Variants in HPGDS observed in about 807,000 individuals in gnomAD.
HPGDS encodes the protein hematopoietic prostaglandin D synthase, also known as GST class-sigma.
HPGDS carries 26 observed loss-of-function variants against 23.1 expected under a neutral mutation model. That is an observed-to-expected ratio of 1.13 (90% CI 0.83 to 1.56). The LOEUF (loss-of-function observed/expected upper bound fraction) is 1.56. Among genes scored for constraint, HPGDS ranks in the 40% most tolerant of loss-of-function variants. The probability of loss-of-function intolerance (pLI) is 0.00; values close to 1 mark genes in which losing one functional copy is unlikely to be tolerated. For synonymous variants in HPGDS, 95 were observed against 77.9 expected (o/e 1.22, Z -1.16); for missense variants, 268 against 236.4 (o/e 1.13, Z -0.88).
intron 2 of HPGDS, among the ~76,000 whole-genome samples, chr4:94,321,847 T>G (rs971758760): frequency 2.0e-4 from 31 of 152,234 alleles, no homozygotes; most frequent in Non-Finnish European, 4.4e-4. Context: ...GTGCCAGTTT[T>G]CAAAGGGAAT....
At chr4:94,300,674 T>A (rs748206172) in intron 5 of HPGDS, among the ~76,000 whole-genome samples, 1 of 152,160 alleles carries the variant, frequency 6.6e-6, no homozygotes, top group Non-Finnish European at 1.5e-5. Flanking sequence ...TTCTCTCATG[T>A]AGCTTTTATT....
chr4:94,304,828 T>A (rs1756110722), intron 4 of HPGDS, among the ~76,000 whole-genome samples: 1 of 152,072 alleles, frequency 6.6e-6, no homozygotes, highest in South Asian at 2.1e-4. Context: ...TTATCATAAA[T>A]GTTCGAAGAA....
At chr4:94,334,733 CTT>C in intron 1 of HPGDS, 95 bp from the exon 2 acceptor site, 3 of 1,058,602 alleles carry the variant, frequency 2.8e-6, no homozygotes, top group Non-Finnish European at 4.1e-6. Flanking sequence ...TATGGCATCT[CTT>C]GAGATTACTG....
At chr4:94,319,902 C>G (rs7440008) in intron 2 of HPGDS, among the ~76,000 whole-genome samples, 67,703 of 151,874 alleles carry the variant, frequency 0.45, 15,206 homozygotes, top group African/African-American at 0.5. Flanking sequence ...CTAATACTAT[C>G]CCTCCCCTCT....
At chr4:94,316,777 AC>A (rs1756406386) in intron 3 of HPGDS, among the ~76,000 whole-genome samples, 1 of 152,198 alleles carries the variant, frequency 6.6e-6, no homozygotes, top group African/African-American at 2.4e-5. Context: ...AATTCTTGGG[AC>A]CCACCCAAGG....
intron 1 of HPGDS, among the ~76,000 whole-genome samples, chr4:94,339,804 CG>C (rs1721100390): frequency 6.6e-6 from 1 of 151,892 alleles, no homozygotes; most frequent in Admixed American, 6.6e-5. Flanking sequence ...GGGAGGGACC[CG>C]GTGGGAGATA....
chr4:94,304,695 A>G (rs969220322), intron 4 of HPGDS, among the ~76,000 whole-genome samples: 22 of 152,104 alleles, frequency 1.4e-4, no homozygotes, highest in African/African-American at 4.8e-4. Context: ...TGTTTCTGCA[A>G]CGTGTTCTGC....
chr4:94,326,054 G>T (rs891070760), intron 2 of HPGDS, among the ~76,000 whole-genome samples: 1 of 150,326 alleles, frequency 6.7e-6, no homozygotes, highest in East Asian at 1.9e-4. Flanking sequence ...TGAGAAATCT[G>T]CTGTCAGTCT....
intron 2 of HPGDS, 59 bp downstream of exon 2, chr4:94,334,438 G>A: frequency 5.7e-6 from 8 of 1,412,886 alleles, no homozygotes; most frequent in East Asian, 2.5e-5. Flanking sequence ...ATTTCCCTGA[G>A]GAAAAACAAA....
At chr4:94,309,386 T>G (rs1756212851) in intron 3 of HPGDS, among the ~76,000 whole-genome samples, 1 of 151,782 alleles carries the variant, frequency 6.6e-6, no homozygotes, top group Non-Finnish European at 1.5e-5. Flanking sequence ...AGTGTTTGGT[T>G]TTTGGTCCTT....
At position 94,317,886 on chromosome 4, in the gene HPGDS, C is replaced by G; in HGVS notation, c.213G>C (p.Leu71Phe). 1 of 1,606,462 alleles carries G rather than the reference C, an allele frequency of 6.2e-7. No individual in the cohort carries two copies. Among genetic ancestry groups the G allele is most frequent in the Non-Finnish European group, 8.5e-7 (1 of 1,174,572 alleles). The stretch of plus-strand genomic sequence containing the variant: ...TAAACATGTTACCTGTGTTTTTGGT[C>G]AAATATCTTGCTATTGCTAGGCTCT... Reference protein sequence around the residue: ...LHQSLAIARYLTKNTDLAGNT... With the variant: ...LHQSLAIARYFTKNTDLAGNT... Residue 71 changes from leucine (L) to phenylalanine (F), a missense_variant, in exon 3 of 6, where the codon TTG (leucine) becomes TTC (phenylalanine). By Grantham distance (22) the Leu-to-Phe change is conservative (BLOSUM62 0). Transcript: ENST00000295256.
At chr4:94,310,921 G>T (rs1203429069) in intron 3 of HPGDS, among the ~76,000 whole-genome samples, 3 of 152,172 alleles carry the variant, frequency 2.0e-5, no homozygotes, top group Non-Finnish European at 4.4e-5. Context: ...GTTCACTCAT[G>T]ATTTGGCTCT....
intron 3 of HPGDS, among the ~76,000 whole-genome samples, chr4:94,310,421 G>C (rs904577395): frequency 3.3e-5 from 5 of 152,262 alleles, no homozygotes; most frequent in African/African-American, 9.6e-5. Context: ...TGTCAGGTTT[G>C]TCAAAGATCA....
chr4:94,306,765 A>T (rs778532663), intron 4 of HPGDS, among the ~76,000 whole-genome samples: 5 of 152,146 alleles, frequency 3.3e-5, no homozygotes, highest in Non-Finnish European at 7.4e-5. Flanking sequence ...GCTTTCTAAA[A>T]GTAATGCAGA....
intron 3 of HPGDS, among the ~76,000 whole-genome samples, chr4:94,312,964 C>CT (rs1039343640): frequency 1.3e-4 from 20 of 151,336 alleles, no homozygotes; most frequent in South Asian, 2.1e-4. Flanking sequence ...GCAACCCCTG[C>CT]TTTTTTTTTG....
At chr4:94,316,810 A>T (rs1015925440) in intron 3 of HPGDS, among the ~76,000 whole-genome samples, 1 of 152,240 alleles carries the variant, frequency 6.6e-6, no homozygotes, top group African/African-American at 2.4e-5. Flanking sequence ...AAAGTTGCAC[A>T]AAGTATATTT....
intron 1 of HPGDS, among the ~76,000 whole-genome samples, chr4:94,340,640 GC>G (rs1196999605): frequency 2.7e-5 from 1 of 37,038 alleles, no homozygotes. Context: ...GGCCCGGCCC[GC>G]CCCCCTCCCT....
Position 94,302,164 on chromosome 4 carries a change from T to C in HPGDS, c.417A>G (p.Glu139=). Residue 139 remains glutamate (E), a synonymous_variant, in exon 5 of 6, where the codon GAA becomes GAG. Transcript: ENST00000295256. ...QDLDTYLGGR[E]WLIGNSVTWA... ...TACTCACAGAGTTACCAATAAGCCA[T>C]TCTCTCCCCCCTAAATATGTGTCCA... is the stretch of plus-strand genomic sequence containing the variant. 6.2e-7 allele frequency: 1 copy of C among 1,610,784 alleles called. No individual in the cohort carries two copies. The highest frequency in any genetic ancestry group is 8.5e-7 in the Non-Finnish European group (1 of 1,177,346).
intron 2 of HPGDS, among the ~76,000 whole-genome samples, chr4:94,330,560 G>C (rs115492246): frequency 6.6e-6 from 1 of 152,084 alleles, no homozygotes; most frequent in Non-Finnish European, 1.5e-5. Context: ...AAAGCTATAA[G>C]GAGACAGATC....
Sources: allele counts gnomAD v4.1 joint callset (sites outside exome capture counted in the v4.1 genomes callset), GRCh38; gene constraint gnomAD v4.1.1; transcripts MANE v1.5; gene names NCBI Gene and HGNC (gene_info 2026-07-23, HGNC 2026-07-21).